CDH12: variants seen among roughly 807,000 people sequenced by gnomAD.
CDH12 encodes cadherin 12.
CDH12 carries 41 observed loss-of-function variants against 74.1 expected under a neutral mutation model. That is an observed-to-expected ratio of 0.55 (90% CI 0.43 to 0.72). The LOEUF (loss-of-function observed/expected upper bound fraction) is 0.72, where lower values mean the gene tolerates loss of function less well. Among genes scored for constraint, CDH12 ranks in the 30% least tolerant of loss-of-function variants. CDH12 has a pLI of 0.00. For missense variants in CDH12, 945 were observed against 977.2 expected (o/e 0.97, Z 0.44); for synonymous variants, 399 against 355.0 (o/e 1.12, Z -1.39).
At chr5:22,082,524 C>T (rs1014548182) in intron 4 of CDH12, among the ~76,000 whole-genome samples, 6 of 152,172 alleles carry the variant, frequency 3.9e-5, no homozygotes, top group Admixed American at 3.9e-4. Context: ...TGCAAAATTT[C>T]ATCATGCTAC....
chr5:21,899,490 T>C (rs779170389), intron 6 of CDH12, among the ~76,000 whole-genome samples: 14 of 152,216 alleles, frequency 9.2e-5, no homozygotes, highest in Non-Finnish European at 1.6e-4. Flanking sequence ...AGTATATTTG[T>C]GCTTGGGATA....
chr5:22,196,247 C>T (rs1427055505), intron 4 of CDH12, among the ~76,000 whole-genome samples: 4 of 150,402 alleles, frequency 2.7e-5, no homozygotes, highest in East Asian at 2.0e-4. Context: ...CGGGTTTAGG[C>T]GATTCTCTTG....
chr5:22,655,657 C>T (rs1187361324), intron 1 of CDH12, among the ~76,000 whole-genome samples: 1 of 152,158 alleles, frequency 6.6e-6, no homozygotes, highest in Admixed American at 6.5e-5. Context: ...CATGATCTGC[C>T]TGGAGGACAA....
chr5:22,402,712 A>G (rs1742780158), intron 3 of CDH12, among the ~76,000 whole-genome samples: 1 of 152,202 alleles, frequency 6.6e-6, no homozygotes, highest in Admixed American at 6.6e-5. Flanking sequence ...TGGAAGAGCA[A>G]ATTCTAAAGA....
intron 1 of CDH12, among the ~76,000 whole-genome samples, chr5:22,798,250 CCT>C (rs1748331143): frequency 6.6e-6 from 1 of 152,026 alleles, no homozygotes; most frequent in African/African-American, 2.4e-5. Flanking sequence ...CTTCTCATTT[CCT>C]CTGAGGTTTA....
At chr5:22,368,880 G>A (rs1741148924) in intron 3 of CDH12, among the ~76,000 whole-genome samples, 1 of 152,124 alleles carries the variant, frequency 6.6e-6, no homozygotes, top group African/African-American at 2.4e-5. Flanking sequence ...GCTCACGCCT[G>A]CACTTTGGGA....
intron 5 of CDH12, among the ~76,000 whole-genome samples, chr5:21,977,948 T>C (rs566520455): frequency 7.4e-6 from 1 of 135,940 alleles, no homozygotes; most frequent in African/African-American, 3.5e-5. Flanking sequence ...AAATTAAGTG[T>C]TAATGCTGAT....
At chr5:22,072,695 G>T (rs574081991) in intron 5 of CDH12, among the ~76,000 whole-genome samples, 4 of 151,834 alleles carry the variant, frequency 2.6e-5, no homozygotes, top group Non-Finnish European at 5.9e-5. Flanking sequence ...TTTACATTAG[G>T]TATATCTCCT....
chr5:22,607,647 G>A (rs913634818), intron 1 of CDH12, among the ~76,000 whole-genome samples: 1 of 152,166 alleles, frequency 6.6e-6, no homozygotes, highest in African/African-American at 2.4e-5. Context: ...GATTTGGTGG[G>A]GACACAGCTA....
rs181308185 is a variant in CDH12, at chr5:22,478,869, G to T, written c.-428+26401C>A. Among the ~76,000 whole-genome samples the T allele has an allele frequency of 4.6e-5, 7 of 152,202 alleles. No individual in the cohort carries two copies. The East Asian group carries it at 7.7e-4, about 17-fold the overall frequency. On this transcript the variant is annotated intron_variant, in intron 2 of 14. Transcript: ENST00000382254. ...TGCTATCATTTAGATAATTTTGAAA[G>T]GTCTTTTCCTAGTGTAATTAAAGAA... is the stretch of plus-strand genomic sequence containing the variant.
intron 8 of CDH12, among the ~76,000 whole-genome samples, chr5:21,820,645 G>T (rs1748317631): frequency 6.6e-6 from 1 of 152,032 alleles, no homozygotes; most frequent in Admixed American, 6.6e-5. Context: ...GAACAAGTCA[G>T]AGAAACTATG....
chr5:22,673,535 T>A (rs1355195109), intron 1 of CDH12, among the ~76,000 whole-genome samples: 5 of 152,172 alleles, frequency 3.3e-5, no homozygotes, highest in African/African-American at 9.7e-5. Context: ...TTTTTATTAA[T>A]GTACTTTTAA....
Position 22,710,988 on chromosome 5 carries a change from T to C in CDH12, c.-523+142070A>G, listed in dbSNP as rs532534664. The stretch of plus-strand genomic sequence containing the variant: ...GGTCACTATGCCTCAAGTAGGAATG[T>C]CTTGTGCCAATTAGACTATTAATGC... On this transcript the variant is annotated intron_variant, in intron 1 of 14. Coordinates refer to ENST00000382254, the MANE Select transcript of CDH12 (RefSeq NM_004061.5). Among the ~76,000 whole-genome samples the C allele has an allele frequency of 4.7e-4, 72 of 152,294 alleles. 1 individual carries two copies. Among genetic ancestry groups the C allele is most frequent in the African/African-American group, 1.6e-3 (65 of 41,572 alleles).
chr5:22,691,950 T>A (rs543998379), intron 1 of CDH12, among the ~76,000 whole-genome samples: 27 of 152,268 alleles, frequency 1.8e-4, no homozygotes, highest in African/African-American at 6.3e-4. Context: ...ACTTTAACTC[T>A]CCCATTAACA....
chr5:22,242,869 T>C (rs1752799404), intron 3 of CDH12, among the ~76,000 whole-genome samples: 3 of 152,214 alleles, frequency 2.0e-5, no homozygotes, highest in African/African-American at 7.2e-5. Flanking sequence ...CTACTAGATT[T>C]GATAAAGTCA....
intron 5 of CDH12, among the ~76,000 whole-genome samples, chr5:22,015,920 T>A (rs142100317): frequency 7.4e-4 from 112 of 152,314 alleles, no homozygotes; most frequent in Non-Finnish European, 1.3e-3. Context: ...TTAGTAATTA[T>A]TTTTTAAAAG....
intron 1 of CDH12, among the ~76,000 whole-genome samples, chr5:22,648,096 T>G (rs1307125774): frequency 6.6e-6 from 1 of 151,882 alleles, no homozygotes; most frequent in African/African-American, 2.4e-5. Context: ...AAGCTTATTT[T>G]ACCTGCCAAC....
chr5:22,539,186 TA>T, intron 1 of CDH12, among the ~76,000 whole-genome samples: 1 of 152,282 alleles, frequency 6.6e-6, no homozygotes, highest in Non-Finnish European at 1.5e-5. Context: ...TTCTGTGTAA[TA>T]AAAAAGTGTC....
At chr5:22,086,097 C>A (rs1056537604) in intron 4 of CDH12, among the ~76,000 whole-genome samples, 2 of 152,068 alleles carry the variant, frequency 1.3e-5, no homozygotes, top group African/African-American at 4.8e-5. Context: ...TATAGCAAAC[C>A]CTTAACACTC....
Sources: gnomAD v4.1 joint callset for allele counts (sites outside exome capture counted in the v4.1 genomes callset) on GRCh38, gnomAD v4.1.1 for gene constraint, MANE v1.5 for transcripts, NCBI Gene and HGNC (gene_info 2026-07-23, HGNC 2026-07-21) for gene names.